Variants in KCNAB2 observed in about 807,000 individuals in gnomAD.
The protein encoded by KCNAB2 is voltage-gated potassium channel subunit beta-2.
A neutral mutation model predicts 63.6 loss-of-function variants in KCNAB2; 29 were observed. The observed-to-expected ratio is 0.46, with a 90% confidence interval of 0.34 to 0.62. The LOEUF (loss-of-function observed/expected upper bound fraction) is 0.62. Ranked by LOEUF, KCNAB2 falls within the 20% of genes least tolerant of loss-of-function variation. The pLI is 0.01. For synonymous variants in KCNAB2, 222 were observed against 224.2 expected (o/e 0.99, Z 0.09); for missense variants, 359 against 563.9 (o/e 0.64, Z 3.68).
Position 6,098,575 on chromosome 1 carries a change from G to C in KCNAB2, c.*1G>C, listed in dbSNP as rs1405944541. 3 of 1,613,510 alleles carry C rather than the reference G, an allele frequency of 1.9e-6. No individual in the cohort carries two copies. Among genetic ancestry groups the C allele is most frequent in the Non-Finnish European group, 2.5e-6 (3 of 1,179,838 alleles). On this transcript the variant is annotated 3_prime_UTR_variant, in exon 16 of 16. Transcript: ENST00000378083. ...CAGCAAAAAGGACTACAGATCCTAA[G>C]CCGCCCCCGCCCGCCTGCTCGGACA... is the stretch of plus-strand genomic sequence containing the variant.
intron 1 of KCNAB2, among the ~76,000 whole-genome samples, chr1:6,038,113 G>A (rs546156507): frequency 3.7e-4 from 56 of 150,928 alleles, no homozygotes; most frequent in Non-Finnish European, 5.8e-4. Flanking sequence ...TCCTGACCTC[G>A]TGATCCACCC....
At position 6,086,254 on chromosome 1, in the gene KCNAB2, C is replaced by T. The variant is rs942665817; in HGVS notation, c.425+1006C>T. ...GCCAAGGGGAGCCCCCGCCCCCTCC[C>T]CCATGGATTCCTGACACCCCTTCCT... On this transcript the variant is annotated intron_variant, in intron 6 of 15. Transcript: ENST00000378083. This position sits in a 1 kb window ranked among gnomAD's most constrained non-coding sequence, Gnocchi z 4.2. 1 of 985,054 alleles carries T rather than the reference C, an allele frequency of 1.0e-6. No homozygotes were observed. The highest frequency in any genetic ancestry group is 1.2e-6 in the Non-Finnish European group (1 of 829,632). The allele number at this position is 985,054 out of a possible 1,614,324, so 61.0% of individuals were successfully genotyped here.
At chr1:5,998,245 C>A (rs1416113873) in intron 1 of KCNAB2, among the ~76,000 whole-genome samples, 1 of 152,206 alleles carries the variant, frequency 6.6e-6, no homozygotes, top group Non-Finnish European at 1.5e-5. Flanking sequence ...CCAAGGCCAC[C>A]ATGGGCTGGA....
At chr1:6,018,537 G>A (rs772815666) in intron 1 of KCNAB2, 1 of 152,220 alleles carries the variant, frequency 6.6e-6, no homozygotes, top group Non-Finnish European at 1.5e-5. Context: ...TGGGCCTCCT[G>A]GGATCGCTCA....
chr1:6,082,102 C>A (rs1411655413), intron 4 of KCNAB2, 93 bp from the exon 5 acceptor site: 3 of 1,063,200 alleles, frequency 2.8e-6, no homozygotes, highest in Non-Finnish European at 4.4e-6. Flanking sequence ...AGGGCCTGGA[C>A]ACGGGGAGGC....
rs1422914331 is a variant in KCNAB2 at position 6,024,332 on chromosome 1, C to A, written c.-52-16185C>A. On this transcript the variant is annotated intron_variant, in intron 1 of 16. Coordinates refer to the KCNAB2 transcript ENST00000341524. This position sits in a 1 kb window ranked among gnomAD's most constrained non-coding sequence, Gnocchi z 5.4. ...AACTCCTGGCCTCAAGCAATCCTCC[C>A]ACCCTGGCCTCCAAAGTGCTGGGTT... is the stretch of plus-strand genomic sequence containing the variant. Among the ~76,000 whole-genome samples, 1 of 152,174 alleles carries A rather than the reference C, an allele frequency of 6.6e-6. No individual in the cohort carries two copies. Among genetic ancestry groups the A allele is most frequent in the Middle Eastern group, 3.2e-3 (1 of 316 alleles).
chr1:6,042,021 G>A (rs752422201), upstream of KCNAB2: 11 of 692,536 alleles, frequency 1.6e-5, no homozygotes, highest in Non-Finnish European at 2.6e-5. Context: ...CACCCTCTGT[G>A]CCTACCCACA....
At chr1:6,084,128 G>A (rs996316840) in intron 5 of KCNAB2, among the ~76,000 whole-genome samples, 1 of 152,194 alleles carries the variant, frequency 6.6e-6, no homozygotes, top group South Asian at 2.1e-4. Flanking sequence ...TGACTCAGGC[G>A]CTTTTATAAT....
chr1:6,041,630 A>G, upstream of KCNAB2: 1 of 578,548 alleles, frequency 1.7e-6, no homozygotes, highest in Non-Finnish European at 3.1e-6. Flanking sequence ...CCCCGTGGCC[A>G]CCGGGTGGCG....
intron 4 of KCNAB2, among the ~76,000 whole-genome samples, chr1:6,081,462 G>T (rs1664204781): frequency 6.6e-6 from 1 of 152,256 alleles, no homozygotes; most frequent in South Asian, 2.1e-4. Context: ...CAGAGCCCCT[G>T]CTGGGGACTG....
At chr1:6,008,149 T>C (rs958589386) in intron 1 of KCNAB2, among the ~76,000 whole-genome samples, 5 of 152,164 alleles carry the variant, frequency 3.3e-5, no homozygotes, top group African/African-American at 1.2e-4. Context: ...TTCTCCATGT[T>C]GCGAAGGGCA....
rs1371068413 is a variant in KCNAB2 at position 6,035,560 on chromosome 1, G to A, written c.-53+766G>A. Among the ~76,000 whole-genome samples the A allele has an allele frequency of 6.6e-6, 1 of 151,990 alleles. No homozygotes were observed. Among genetic ancestry groups the A allele is most frequent in the Admixed American group, 6.6e-5 (1 of 15,258 alleles). On this transcript the variant is annotated intron_variant, in intron 1 of 15. Transcript: ENST00000164247. The surrounding 1 kb of genome is among the most constrained non-coding windows in gnomAD (Gnocchi z 5.0). Reference sequence around the variant, plus strand: ...GTGGGAGGAAGGGAGGAGTCGGGGTGACTCCCGGGAGTGGGACTGACACCT... The same window carrying A: ...GTGGGAGGAAGGGAGGAGTCGGGGTAACTCCCGGGAGTGGGACTGACACCT...
chr1:6,095,301 G>A (rs376193427), intron 11 of KCNAB2, 22 bp from the exon 12 acceptor site: 23 of 1,605,202 alleles, frequency 1.4e-5, no homozygotes, highest in Non-Finnish European at 1.8e-5. Context: ...AGGGCCCTCG[G>A]GGTCCCTTTC....
chr1:6,008,008 C>G (rs913893303), intron 1 of KCNAB2, among the ~76,000 whole-genome samples: 43 of 152,288 alleles, frequency 2.8e-4, no homozygotes, highest in African/African-American at 1.0e-3. Flanking sequence ...CTGGAGCTGT[C>G]TGGTTTGACA....
At chr1:6,062,985 C>T (rs572656178) in intron 2 of KCNAB2, among the ~76,000 whole-genome samples, 1 of 152,042 alleles carries the variant, frequency 6.6e-6, no homozygotes, top group Admixed American at 6.6e-5. Flanking sequence ...ATTCCCACCC[C>T]CTGCAACCAC....
chr1:6,076,425 AG>A (rs534508696), intron 4 of KCNAB2, among the ~76,000 whole-genome samples: 9 of 152,344 alleles, frequency 5.9e-5, no homozygotes, highest in African/African-American at 2.2e-4. Context: ...TCCCATTGTT[AG>A]GTGCCCTTTC....
At position 6,078,961 on chromosome 1, in the gene KCNAB2, G is replaced by A. The variant is rs546827498; in HGVS notation, c.301-3234G>A. ...TATTGTGAGAAACCACCCAAGAGCC[G>A]CTGGAGGCTCAGAGCAGGGTGGGCA... On this transcript the variant is annotated intron_variant, in intron 4 of 15. Transcript: ENST00000378083. This position sits in a 1 kb window ranked among gnomAD's most constrained non-coding sequence, Gnocchi z 4.2. 6.6e-5 allele frequency among the ~76,000 whole-genome samples: 10 copies of A among 152,324 alleles called. No homozygotes were observed. The East Asian group carries it at 9.7e-4, about 15-fold the overall frequency.
At chr1:6,037,183 T>C (rs1280577627) in intron 1 of KCNAB2, among the ~76,000 whole-genome samples, 1 of 152,196 alleles carries the variant, frequency 6.6e-6, no homozygotes. Context: ...CCCCACCCTA[T>C]GTTCATGGAG....
At chr1:6,060,018 C>T (rs146924051) in intron 2 of KCNAB2, among the ~76,000 whole-genome samples, 2 of 152,220 alleles carry the variant, frequency 1.3e-5, no homozygotes, top group Admixed American at 6.5e-5. Flanking sequence ...GTGGCCTCCT[C>T]CTTCCCTCGG....
Sources: gnomAD v4.1 joint callset for allele counts (sites outside exome capture counted in the v4.1 genomes callset) on GRCh38, gnomAD v4.1.1 for gene constraint, Gnocchi (gnomAD v3.1) non-coding constraint, MANE v1.5 for transcripts, NCBI Gene and HGNC (gene_info 2026-07-23, HGNC 2026-07-21) for gene names.